SOX5: variants seen among roughly 807,000 people sequenced by gnomAD.
The protein encoded by SOX5 is transcription factor SOX-5.
In SOX5, 9 loss-of-function variants were observed where a neutral mutation model predicts 92.0. The observed-to-expected ratio is 0.10, with a 90% confidence interval of 0.06 to 0.17. The LOEUF is 0.17. Among genes scored for constraint, SOX5 ranks in the 10% least tolerant of loss-of-function variants. The pLI, the probability that SOX5 is intolerant of heterozygous loss-of-function variation, is 1.00. For synonymous variants in SOX5, 344 were observed against 336.3 expected, an observed-to-expected ratio of 1.02 and a Z score of -0.25; for missense variants, 642 against 944.5, an observed-to-expected ratio of 0.68 and a Z score of 4.20.
intron 4 of SOX5, among the ~76,000 whole-genome samples, chr12:24,021,378 T>A (rs1459157799): frequency 6.6e-6 from 1 of 152,184 alleles, no homozygotes; most frequent in African/African-American, 2.4e-5. Flanking sequence ...TAAGGTCTAA[T>A]GTAGGCTGAG....
intron 4 of SOX5, among the ~76,000 whole-genome samples, chr12:23,961,557 C>CG (rs1263837858): frequency 6.6e-6 from 1 of 152,092 alleles, no homozygotes; most frequent in African/African-American, 2.4e-5. Flanking sequence ...ATAAGGCTAA[C>CG]GTCTACTCAT....
chr12:24,456,462 A>G (rs1291618117), intron 1 of SOX5, among the ~76,000 whole-genome samples: 1 of 152,216 alleles, frequency 6.6e-6, no homozygotes, highest in African/African-American at 2.4e-5. Flanking sequence ...AGAATGCATG[A>G]GAGAGATTTA....
chr12:24,265,144 T>A (rs1046669692), intron 3 of SOX5, among the ~76,000 whole-genome samples: 1 of 152,142 alleles, frequency 6.6e-6, no homozygotes, highest in Non-Finnish European at 1.5e-5. Flanking sequence ...ATATTGAAAT[T>A]TTCGAAAAAC....
chr12:23,953,595 T>C (rs1343438671), upstream of SOX5, among the ~76,000 whole-genome samples: 3 of 152,144 alleles, frequency 2.0e-5, no homozygotes, highest in African/African-American at 7.2e-5. Flanking sequence ...TCTAATTATA[T>C]ATATGTATAT....
At chr12:24,552,237 C>T (rs1452909602) in intron 1 of SOX5, among the ~76,000 whole-genome samples, 1 of 152,222 alleles carries the variant, frequency 6.6e-6, no homozygotes, top group Non-Finnish European at 1.5e-5. Context: ...TTCTAGCAGT[C>T]CAACAATCAG....
At chr12:24,366,745 A>G (rs996312637) in intron 2 of SOX5, among the ~76,000 whole-genome samples, 1 of 151,966 alleles carries the variant, frequency 6.6e-6, no homozygotes, top group African/African-American at 2.4e-5. Context: ...TGTACTCTTG[A>G]CTGCAGTCCC....
At chr12:23,966,098 T>C (rs529481905) in intron 4 of SOX5, among the ~76,000 whole-genome samples, 40 of 151,522 alleles carry the variant, frequency 2.6e-4, no homozygotes, top group African/African-American at 8.5e-4. Context: ...TATTCAATCA[T>C]TGAAATTGAG....
intron 2 of SOX5, among the ~76,000 whole-genome samples, chr12:24,330,389 G>A (rs1336670257): frequency 6.6e-6 from 1 of 152,192 alleles, no homozygotes; most frequent in East Asian, 1.9e-4. Context: ...ACAAAGGTGT[G>A]ATCTGGGCCC....
At chr12:23,829,249 A>G (rs528424500) in intron 3 of SOX5, among the ~76,000 whole-genome samples, 1 of 152,310 alleles carries the variant, frequency 6.6e-6, no homozygotes, top group African/African-American at 2.4e-5. Flanking sequence ...TAATTTTAAT[A>G]TGCACGGTCC....
chr12:23,709,993 T>C (rs1180007520), intron 6 of SOX5, among the ~76,000 whole-genome samples: 2 of 152,298 alleles, frequency 1.3e-5, no homozygotes, highest in East Asian at 3.9e-4. Context: ...GGCATTTTCC[T>C]CTTATCACAT....
intron 3 of SOX5, among the ~76,000 whole-genome samples, chr12:24,264,333 TA>T (rs1357144627): frequency 6.6e-6 from 1 of 152,190 alleles, no homozygotes; most frequent in East Asian, 1.9e-4. Flanking sequence ...CATTTTCTTT[TA>T]AAAAATTTTT....
rs150679975 is a variant in SOX5 at position 24,148,031 on chromosome 12, A to G, written c.-2+65312T>C. On this transcript the variant is annotated intron_variant, in intron 4 of 4. Coordinates refer to the SOX5 transcript ENST00000446891. ...ACATGATCCCAATAAAAACTCCTAG[A>G]GTTTTTGGGTAGAAACTGACAAATT... Among the ~76,000 whole-genome samples, 620 of 152,310 alleles carry G rather than the reference A, an allele frequency of 4.1e-3. 3 individuals are homozygous for G. The highest frequency in any genetic ancestry group is 0.014 in the African/African-American group (568 of 41,580).
intron 6 of SOX5, among the ~76,000 whole-genome samples, chr12:23,669,724 T>A (rs1453366969): frequency 6.6e-6 from 1 of 152,054 alleles, no homozygotes; most frequent in Non-Finnish European, 1.5e-5. Context: ...TCAAAGATAA[T>A]GTTTACTTGA....
At chr12:24,158,059 A>G (rs987345362) in intron 4 of SOX5, among the ~76,000 whole-genome samples, 5 of 152,102 alleles carry the variant, frequency 3.3e-5, no homozygotes, top group African/African-American at 1.2e-4. Flanking sequence ...TTATTAAAGT[A>G]AAGGCAATTT....
chr12:24,276,699 G>A (rs981266983), intron 3 of SOX5, among the ~76,000 whole-genome samples: 2 of 152,084 alleles, frequency 1.3e-5, no homozygotes, highest in Non-Finnish European at 2.9e-5. Flanking sequence ...ACAGATAGAT[G>A]CCCATGGAAT....
intron 6 of SOX5, among the ~76,000 whole-genome samples, chr12:23,672,261 G>C (rs1190170125): frequency 6.6e-6 from 1 of 151,978 alleles, no homozygotes. Context: ...AAACCTGTCA[G>C]TGCCAAGCCC....
At chr12:24,325,279 TAA>T (rs759293905) in intron 2 of SOX5, among the ~76,000 whole-genome samples, 2 of 152,250 alleles carry the variant, frequency 1.3e-5, no homozygotes, top group East Asian at 3.8e-4. Flanking sequence ...ATGAAAAATT[TAA>T]AAGATATATA....
intron 3 of SOX5, among the ~76,000 whole-genome samples, chr12:23,799,432 A>T (rs976672033): frequency 6.6e-6 from 1 of 152,202 alleles, no homozygotes; most frequent in African/African-American, 2.4e-5. Flanking sequence ...TCATTCTAAG[A>T]TGCTTGATGT....
chr12:23,762,595 A>T, intron 3 of SOX5: 1 of 529,330 alleles, frequency 1.9e-6, no homozygotes, highest in Admixed American at 3.8e-5. Context: ...AGTTAATGAG[A>T]GCCTGTTAAT....
Sources: gnomAD v4.1 joint callset for allele counts (sites outside exome capture counted in the v4.1 genomes callset) on GRCh38, gnomAD v4.1.1 for gene constraint, MANE v1.5 for transcripts, NCBI Gene and HGNC (gene_info 2026-07-23, HGNC 2026-07-21) for gene names.